ROBO2: variants seen among roughly 807,000 people sequenced by gnomAD.
ROBO2 encodes roundabout guidance receptor 2, also known as roundabout homolog 2.
A neutral mutation model predicts 160.8 loss-of-function variants in ROBO2; 53 were observed. The observed-to-expected ratio is 0.33, with a 90% CI of 0.26 to 0.41. The LOEUF (loss-of-function observed/expected upper bound fraction) is 0.41. Ranked by LOEUF, ROBO2 falls within the 10% of genes least tolerant of loss-of-function variation. ROBO2 has a pLI of 1.00. For synonymous variants in ROBO2, 664 were observed against 611.7 expected, an observed-to-expected ratio of 1.09 and a Z score of -1.26; for missense variants, 1,577 against 1,722.4, an observed-to-expected ratio of 0.92 and a Z score of 1.49.
chr3:76,341,431 A>G lies in ROBO2; in HGVS notation c.109+403829A>G, dbSNP rs113527094. ...CTTTTTTAAAGCGTAAAAAAAAAAA[A>G]AAAAAAAAAAGGAAAAATATGTGTT... On this transcript the variant is annotated intron_variant, in intron 2 of 26. Coordinates refer to the ROBO2 transcript ENST00000487694. Among the ~76,000 whole-genome samples, 38 of 150,676 alleles carry G rather than the reference A, an allele frequency of 2.5e-4. 1 individual carries two copies. Among genetic ancestry groups the G allele is most frequent in the African/African-American group, 7.1e-4 (29 of 40,576 alleles).
At chr3:77,461,457 C>T (rs1159614813) in intron 2 of ROBO2, among the ~76,000 whole-genome samples, 1 of 151,886 alleles carries the variant, frequency 6.6e-6, no homozygotes, top group Non-Finnish European at 1.5e-5. Flanking sequence ...GATAAACCAT[C>T]AAGTATCCTG....
chr3:76,553,851 C>T (rs1483317347), intron 2 of ROBO2, among the ~76,000 whole-genome samples: 1 of 151,994 alleles, frequency 6.6e-6, no homozygotes, highest in Non-Finnish European at 1.5e-5. Context: ...GTGTATCAGC[C>T]CACCATATAT....
intron 2 of ROBO2, among the ~76,000 whole-genome samples, chr3:77,424,097 A>G (rs2077959094): frequency 6.6e-6 from 1 of 152,196 alleles, no homozygotes; most frequent in Non-Finnish European, 1.5e-5. Flanking sequence ...CTGATACAGC[A>G]CGAGCAAAAT....
chr3:76,278,299 T>C (rs759682102), intron 2 of ROBO2, among the ~76,000 whole-genome samples: 8 of 151,984 alleles, frequency 5.3e-5, no homozygotes, highest in Non-Finnish European at 7.4e-5. Context: ...AGTATTCCTG[T>C]AGCAATACTT....
chr3:76,935,826 A>G (rs1307355474), intron 2 of ROBO2, among the ~76,000 whole-genome samples: 1 of 152,150 alleles, frequency 6.6e-6, no homozygotes, highest in Non-Finnish European at 1.5e-5. Context: ...AAAAGGGAGA[A>G]GGAGCTCTCT....
intron 2 of ROBO2, among the ~76,000 whole-genome samples, chr3:76,363,616 A>C (rs1379058170): frequency 6.6e-6 from 1 of 151,974 alleles, no homozygotes; most frequent in East Asian, 1.9e-4. Flanking sequence ...TCCTTCTCTT[A>C]TGCTTGGTGC....
At chr3:77,234,864 G>A (rs2087723429) in intron 2 of ROBO2, among the ~76,000 whole-genome samples, 1 of 152,116 alleles carries the variant, frequency 6.6e-6, no homozygotes, top group African/African-American at 2.4e-5. Flanking sequence ...GGGGACTTTT[G>A]GGAGTGTTTC....
intron 2 of ROBO2, among the ~76,000 whole-genome samples, chr3:76,295,310 C>G (rs111306934): frequency 1.6e-3 from 251 of 152,124 alleles, no homozygotes; most frequent in African/African-American, 5.7e-3. Flanking sequence ...GTAAGAATCA[C>G]TGTTCTAAAA....
At chr3:76,141,139 CTCTCTCTCTCTCTCTCTCTCTATA>C (rs1460597961) in intron 2 of ROBO2, among the ~76,000 whole-genome samples, 4 of 60,700 alleles carry the variant, frequency 6.6e-5, no homozygotes, top group East Asian at 7.2e-4. Flanking sequence ...CTCTCTCTCT[CTCTCTCTCTCTCTCTCTCTCTATA>C]TATATATATA....
At position 77,577,623 on chromosome 3, in the gene ROBO2, C is replaced by T. The variant is rs375189155; in HGVS notation, c.2328+9C>T. ...TTATCCAAGAATACAAGGTAGGACC[C>T]GGGTGAAGAAGGACAGCTCTCATGT... On this transcript the variant is annotated intron_variant, in intron 15 of 25. Coordinates refer to ENST00000461745, the Ensembl canonical transcript of ROBO2. 32 of 1,612,942 alleles carry T rather than the reference C, an allele frequency of 2.0e-5. No individual in the cohort carries two copies. The African/African-American group carries it at 2.0e-4, about 10-fold the overall frequency.
exon 11 of ROBO2, chr3:77,563,277 C>T (rs1299978749): frequency 6.2e-7 from 1 of 1,613,636 alleles, no homozygotes; most frequent in Admixed American, 1.7e-5. Flanking sequence ...GTCCTGGCAG[C>T]CAGGTACCCC....
At chr3:77,456,416 C>T (rs1041689193) in intron 2 of ROBO2, among the ~76,000 whole-genome samples, 1 of 152,252 alleles carries the variant, frequency 6.6e-6, no homozygotes, top group Non-Finnish European at 1.5e-5. Flanking sequence ...GTTAAGGAAA[C>T]ATTTATGTGA....
intron 2 of ROBO2, among the ~76,000 whole-genome samples, chr3:76,097,551 A>T (rs2069504940): frequency 6.6e-6 from 1 of 150,470 alleles, no homozygotes; most frequent in Non-Finnish European, 1.5e-5. Context: ...GCAGATGGTG[A>T]TAAGTTTTCT....
chr3:76,641,567 A>C (rs2090676515), intron 2 of ROBO2, among the ~76,000 whole-genome samples: 1 of 152,196 alleles, frequency 6.6e-6, no homozygotes, highest in Non-Finnish European at 1.5e-5. Flanking sequence ...GAACAGAAGC[A>C]ATATATGATC....
chr3:75,994,184 T>C (rs920060037), intron 2 of ROBO2, among the ~76,000 whole-genome samples: 5 of 152,172 alleles, frequency 3.3e-5, no homozygotes, highest in African/African-American at 1.2e-4. Flanking sequence ...AATCTGGAGT[T>C]TCATCAGAGC....
intron 2 of ROBO2, among the ~76,000 whole-genome samples, chr3:77,390,917 T>C (rs1027788143): frequency 2.0e-5 from 3 of 152,014 alleles, no homozygotes; most frequent in Admixed American, 6.6e-5. Context: ...AGCTTGCAGG[T>C]AAGCGAATGA....
At chr3:76,699,113 A>G (rs932391557) in intron 2 of ROBO2, among the ~76,000 whole-genome samples, 6 of 152,162 alleles carry the variant, frequency 3.9e-5, no homozygotes, top group Non-Finnish European at 7.3e-5. Flanking sequence ...TAGTCTGCCA[A>G]TTTGAGCCAC....
intron 21 of ROBO2, among the ~76,000 whole-genome samples, chr3:77,616,519 T>C (rs1286830721): frequency 6.6e-6 from 1 of 152,152 alleles, no homozygotes; most frequent in Non-Finnish European, 1.5e-5. Flanking sequence ...GGAAAGCTAA[T>C]GAGCTTGTTT....
chr3:76,984,109 G>A (rs1559800041), intron 2 of ROBO2, among the ~76,000 whole-genome samples: 1 of 151,912 alleles, frequency 6.6e-6, no homozygotes, highest in East Asian at 1.9e-4. Context: ...GGGGGAAACC[G>A]CCCCCCGGGA....
Sources: allele counts gnomAD v4.1 joint callset (sites outside exome capture counted in the v4.1 genomes callset), GRCh38; gene constraint gnomAD v4.1.1; transcripts MANE v1.5; gene names NCBI Gene and HGNC (gene_info 2026-07-23, HGNC 2026-07-21).